AFF3: variants seen among roughly 807,000 people sequenced by gnomAD.
AFF3 encodes AF4/FMR2 family member 3.
In AFF3, 32 loss-of-function variants were observed where a neutral mutation model predicts 129.7. That is an observed-to-expected ratio of 0.25 (90% CI 0.19 to 0.33). The LOEUF (loss-of-function observed/expected upper bound fraction) is 0.33, where lower values mean the gene tolerates loss of function less well. Among genes scored for constraint, AFF3 ranks in the 10% least tolerant of loss-of-function variants. The pLI, the probability that AFF3 is intolerant of heterozygous loss-of-function variation, is 1.00. For missense variants in AFF3, 1,373 were observed against 1,592.0 expected, an observed-to-expected ratio of 0.86 and a Z score of 2.34; for synonymous variants, 644 against 635.4, an observed-to-expected ratio of 1.01 and a Z score of -0.20.
intron 4 of AFF3, among the ~76,000 whole-genome samples, chr2:100,058,303 G>A (rs969203746): frequency 6.6e-6 from 1 of 152,112 alleles, no homozygotes; most frequent in Non-Finnish European, 1.5e-5. Context: ...TGCACTCTAA[G>A]TTCAAGCTCT....
intron 7 of AFF3, among the ~76,000 whole-genome samples, chr2:99,845,650 G>A (rs1236980506): frequency 1.3e-5 from 2 of 152,124 alleles, no homozygotes; most frequent in African/African-American, 4.8e-5. Flanking sequence ...AGATTTCTGT[G>A]TTCTTTCACC....
intron 2 of AFF3, among the ~76,000 whole-genome samples, chr2:100,123,262 C>T (rs188135877): frequency 1.3e-5 from 2 of 152,310 alleles, no homozygotes; most frequent in African/African-American, 4.8e-5. Flanking sequence ...TGCCTTCTGA[C>T]TGTAAGCGAA....
intron 16 of AFF3, among the ~76,000 whole-genome samples, chr2:99,585,264 T>C (rs543730838): frequency 2.1e-4 from 32 of 152,374 alleles, no homozygotes; most frequent in Admixed American, 5.2e-4. Context: ...ATGGATATCA[T>C]GATTGCCTGT....
intron 2 of AFF3, among the ~76,000 whole-genome samples, chr2:100,116,443 T>C (rs1691740507): frequency 6.6e-6 from 1 of 152,152 alleles, no homozygotes; most frequent in Non-Finnish European, 1.5e-5. Context: ...CTGTCCTCAT[T>C]TGGATTATTT....
At chr2:99,603,103 A>G (rs572372599) in intron 13 of AFF3, among the ~76,000 whole-genome samples, 1 of 152,316 alleles carries the variant, frequency 6.6e-6, no homozygotes, top group East Asian at 1.9e-4. Flanking sequence ...GCCTTGCCTG[A>G]GCTGCAGCGA....
intron 8 of AFF3, among the ~76,000 whole-genome samples, chr2:99,826,017 T>A (rs905397450): frequency 2.8e-5 from 3 of 106,566 alleles, no homozygotes; most frequent in Non-Finnish European, 4.0e-5. Context: ...CTTAAAAAAT[T>A]TTTTTTTAAT....
In AFF3 at chr2:99,715,429, C is replaced by T. The variant is rs370175853; in HGVS notation, c.1091+11648G>A. ...ACAATGATTTATTTAGTGCCTATTA[C>T]GAAACAGGCACTTTCCATATATGAA... On this transcript the variant is annotated intron_variant, in intron 11 of 24. Coordinates refer to ENST00000672756, the MANE Select transcript of AFF3 (RefSeq NM_001386135.1). 2.2e-3 allele frequency among the ~76,000 whole-genome samples: 335 copies of T among 152,124 alleles called. 3 individuals carry two copies. Among genetic ancestry groups the T allele is most frequent in the African/African-American group, 7.7e-3 (319 of 41,490 alleles).
chr2:99,681,812 T>C (rs1412677214), intron 11 of AFF3, among the ~76,000 whole-genome samples: 1 of 148,606 alleles, frequency 6.7e-6, no homozygotes, highest in Non-Finnish European at 1.5e-5. Flanking sequence ...TAGCCTGAGG[T>C]ATTTTTTTTT....
intron 4 of AFF3, among the ~76,000 whole-genome samples, chr2:100,102,002 T>TTAA (rs1256393590): frequency 6.7e-6 from 1 of 148,866 alleles, no homozygotes; most frequent in African/African-American, 2.5e-5. Flanking sequence ...GTAAAGTCAT[T>TTAA]TAACAGTTCA....
intron 11 of AFF3, among the ~76,000 whole-genome samples, chr2:99,683,844 T>C (rs1303413579): frequency 6.6e-6 from 1 of 152,236 alleles, no homozygotes; most frequent in Non-Finnish European, 1.5e-5. Flanking sequence ...CACTGCTTAT[T>C]GGGAGCAGAA....
At chr2:99,871,076 C>T (rs941892362) in intron 7 of AFF3, among the ~76,000 whole-genome samples, 2 of 152,168 alleles carry the variant, frequency 1.3e-5, no homozygotes, top group Admixed American at 6.5e-5. Flanking sequence ...TACACACAAG[C>T]ATTAACACAA....
rs541396634 is a variant in AFF3, at chr2:100,029,829, C to T, written c.54-20897G>A. Among the ~76,000 whole-genome samples the T allele has an allele frequency of 2.0e-5, 3 of 152,248 alleles. No individual in the cohort carries two copies. In the East Asian group the frequency reaches 5.8e-4, roughly 29 times the overall value. On this transcript the variant is annotated intron_variant, in intron 4 of 24. Transcript: ENST00000672756. Reference sequence around the variant, plus strand: ...CCTGTAATCTGAGAACTTTGGGAGACCAAGGCAGGTAGACTGCTTGAGCCT... The same window carrying T: ...CCTGTAATCTGAGAACTTTGGGAGATCAAGGCAGGTAGACTGCTTGAGCCT...
chr2:99,821,823 C>A (rs2105688751), intron 8 of AFF3, among the ~76,000 whole-genome samples: 1 of 152,302 alleles, frequency 6.6e-6, no homozygotes, highest in South Asian at 2.1e-4. Flanking sequence ...TCTAAGCTCA[C>A]TAGGGCCCCT....
chr2:100,029,534 T>C (rs1474628043), intron 4 of AFF3, among the ~76,000 whole-genome samples: 1 of 152,068 alleles, frequency 6.6e-6, no homozygotes, highest in Non-Finnish European at 1.5e-5. Context: ...CTTCAGGATA[T>C]GATGCTGAGT....
At chr2:100,030,351 T>C (rs986090297) in intron 4 of AFF3, among the ~76,000 whole-genome samples, 1 of 152,148 alleles carries the variant, frequency 6.6e-6, no homozygotes, top group Non-Finnish European at 1.5e-5. Context: ...TACACACCTA[T>C]TGTGATGGCT....
intron 8 of AFF3, among the ~76,000 whole-genome samples, chr2:99,810,285 C>G (rs1394188881): frequency 6.6e-6 from 1 of 152,218 alleles, no homozygotes; most frequent in Non-Finnish European, 1.5e-5. Flanking sequence ...TCAGCATCCT[C>G]CCGGTTGCTA....
At chr2:99,675,759 C>A (rs1353628355) in intron 11 of AFF3, among the ~76,000 whole-genome samples, 1 of 152,188 alleles carries the variant, frequency 6.6e-6, no homozygotes, top group Non-Finnish European at 1.5e-5. Context: ...CAGCAGACAG[C>A]AGGCATGGCC....
chr2:99,572,448 G>C (rs72817020), intron 18 of AFF3, among the ~76,000 whole-genome samples: 1,816 of 152,172 alleles, frequency 0.012, 50 homozygotes, highest in Admixed American at 0.054. Flanking sequence ...CTCCCACGGA[G>C]AGCCTGGCAG....
chr2:99,913,971 C>A (rs568174496), intron 7 of AFF3, among the ~76,000 whole-genome samples: 2 of 152,258 alleles, frequency 1.3e-5, no homozygotes, highest in East Asian at 3.9e-4. Flanking sequence ...TGATGCATTT[C>A]TAGAAAATCA....
Sources: gnomAD v4.1 joint callset for allele counts (sites outside exome capture counted in the v4.1 genomes callset) on GRCh38, gnomAD v4.1.1 for gene constraint, MANE v1.5 for transcripts, NCBI Gene and HGNC (gene_info 2026-07-23, HGNC 2026-07-21) for gene names.